The following PRIM2 variants were observed in gnomAD, a reference collection of about 807,000 sequenced individuals.
The protein encoded by PRIM2 is DNA primase large subunit.
Under a neutral mutation model 67.3 loss-of-function variants are expected in PRIM2, and 39 were observed. That is an observed-to-expected ratio of 0.58 (90% CI 0.45 to 0.76). PRIM2 has a LOEUF of 0.76. Among genes scored for constraint, PRIM2 ranks in the 30% least tolerant of loss-of-function variants. The pLI, the probability that PRIM2 is intolerant of heterozygous loss-of-function variation, is 0.00. For missense variants in PRIM2, 398 were observed against 598.7 expected, an observed-to-expected ratio of 0.66 and a Z score of 3.50; for synonymous variants, 143 against 198.7, an observed-to-expected ratio of 0.72 and a Z score of 2.36.
upstream of PRIM2, among the ~76,000 whole-genome samples, chr6:57,317,085 A>G (rs1269022919): frequency 6.6e-6 from 1 of 152,220 alleles, no homozygotes; most frequent in Non-Finnish European, 1.5e-5. Flanking sequence ...ACTAACGAGG[A>G]TCTTGTAACT....
chr6:57,405,054 G>T (rs1168778126), intron 7 of PRIM2, among the ~76,000 whole-genome samples: 2 of 146,546 alleles, frequency 1.4e-5, no homozygotes, highest in Non-Finnish European at 3.0e-5. Flanking sequence ...ATTGACACCT[G>T]AATGCACTGA....
the PRIM2 span, among the ~76,000 whole-genome samples, chr6:57,288,196 T>C: frequency 1.3e-5 from 2 of 152,152 alleles, no homozygotes; most frequent in African/African-American, 4.8e-5. Context: ...GTGATCAACC[T>C]GCGACACTGC....
chr6:57,329,935 GA>G (rs1480468713), intron 5 of PRIM2, among the ~76,000 whole-genome samples: 1 of 152,160 alleles, frequency 6.6e-6, no homozygotes. Flanking sequence ...TTAAAATTGA[GA>G]AGTATGAGTT....
At chr6:57,307,679 G>T in the PRIM2 span, among the ~76,000 whole-genome samples, 1 of 152,214 alleles carries the variant, frequency 6.6e-6, no homozygotes, top group East Asian at 1.9e-4. Flanking sequence ...AAAAGGAGCT[G>T]TTACCAGACC....
At chr6:57,336,446 G>A (rs1282384411) in intron 5 of PRIM2, among the ~76,000 whole-genome samples, 1 of 152,186 alleles carries the variant, frequency 6.6e-6, no homozygotes, top group Non-Finnish European at 1.5e-5. Context: ...ACAATGTTAA[G>A]GGCAGCCAGA....
At chr6:57,344,534 AT>A (rs1055854074) in intron 5 of PRIM2, among the ~76,000 whole-genome samples, 1 of 152,118 alleles carries the variant, frequency 6.6e-6, no homozygotes, top group Non-Finnish European at 1.5e-5. Context: ...AAATGAAGGC[AT>A]TAACACAGGG....
chr6:57,258,427 T>C, the PRIM2 span, among the ~76,000 whole-genome samples: 1 of 152,172 alleles, frequency 6.6e-6, no homozygotes, highest in Non-Finnish European at 1.5e-5. Context: ...GTTAACACTA[T>C]TTCTGCACTT....
intron 10 of PRIM2, among the ~76,000 whole-genome samples, chr6:57,540,586 G>T (rs1775126799): frequency 6.6e-6 from 1 of 152,008 alleles, no homozygotes; most frequent in African/African-American, 2.4e-5. Flanking sequence ...ATCGAAAAAG[G>T]TAAGAAAAAA....
chr6:57,349,292 T>C (rs921013730), intron 5 of PRIM2, among the ~76,000 whole-genome samples: 1 of 151,488 alleles, frequency 6.6e-6, no homozygotes, highest in Non-Finnish European at 1.5e-5. Context: ...AGAACATCAC[T>C]GATGTGGTAT....
intron 12 of PRIM2, among the ~76,000 whole-genome samples, chr6:57,613,852 T>G (rs1212964831): frequency 2.2e-4 from 34 of 152,108 alleles, no homozygotes; most frequent in African/African-American, 8.2e-4. Context: ...TATTTTTAAT[T>G]AACTAATTAA....
chr6:57,326,893 C>CTTTTT lies in PRIM2; in HGVS notation c.459+870_459+874dup, dbSNP rs70989764. On this transcript the variant is annotated intron_variant, in intron 5 of 13. Coordinates refer to ENST00000615550, the MANE Select transcript of PRIM2 (RefSeq NM_000947.5). ...TGAGTATTGGAAATAGAATTTGTAT[C>CTTTTT]TTTTTTTTTTTTTTTTTTTTTTTTT... Among the ~76,000 whole-genome samples the CTTTTT allele has an allele frequency of 1.4e-3, 183 of 131,490 alleles. 10 individuals carry two copies. The highest frequency in any genetic ancestry group is 5.2e-3 in the African/African-American group (174 of 33,746). The allele number at this position is 131,490 out of a possible 152,430, so 86.3% of individuals were successfully genotyped here.
the PRIM2 span, among the ~76,000 whole-genome samples, chr6:57,268,608 C>T: frequency 3.3e-5 from 5 of 151,504 alleles, no homozygotes; most frequent in African/African-American, 4.9e-5. Flanking sequence ...ATGGCAATTT[C>T]CCCCCACATT....
intron 7 of PRIM2, among the ~76,000 whole-genome samples, chr6:57,400,442 T>C (rs1770669508): frequency 2.0e-5 from 3 of 152,186 alleles, no homozygotes; most frequent in Admixed American, 2.0e-4. Context: ...CTTTTCTGGA[T>C]TGTAAAGTTT....
chr6:57,408,607 T>C (rs1229530398), intron 7 of PRIM2, among the ~76,000 whole-genome samples: 2 of 152,130 alleles, frequency 1.3e-5, no homozygotes, highest in African/African-American at 4.8e-5. Flanking sequence ...GTTTCTGTCA[T>C]GATAATTTTG....
At chr6:57,398,224 G>T (rs1007712950) in intron 7 of PRIM2, among the ~76,000 whole-genome samples, 3 of 151,990 alleles carry the variant, frequency 2.0e-5, no homozygotes, top group African/African-American at 7.3e-5. Context: ...TCCCAGAATG[G>T]TGGGATTACA....
chr6:57,489,174 G>C (rs1248383862), intron 7 of PRIM2, among the ~76,000 whole-genome samples: 1 of 152,262 alleles, frequency 6.6e-6, no homozygotes, highest in African/African-American at 2.4e-5. Context: ...TCTGTTTTAA[G>C]AATTATTCTT....
intron 5 of PRIM2, among the ~76,000 whole-genome samples, chr6:57,352,823 G>C (rs1768901461): frequency 1.3e-5 from 2 of 151,928 alleles, no homozygotes; most frequent in African/African-American, 4.8e-5. Context: ...AGTCCATTCA[G>C]TGTAGAAGGG....
intron 10 of PRIM2, among the ~76,000 whole-genome samples, chr6:57,581,339 C>T (rs1295179927): frequency 6.6e-6 from 1 of 152,080 alleles, no homozygotes; most frequent in African/African-American, 2.4e-5. Context: ...CTAAATTGAC[C>T]ACCTTTTAAG....
rs1164089132 is a variant in PRIM2 at position 57,375,524 on chromosome 6, T to C, written c.460-4377T>C. On this transcript the variant is annotated intron_variant, in intron 5 of 13. Coordinates refer to ENST00000615550, the MANE Select transcript of PRIM2 (RefSeq NM_000947.5). ...GTTCATCAAGGATATTGGCCTGATG[T>C]TTTCCTTTTTTTTGTTGTATCTCCG... Among the ~76,000 whole-genome samples, 4 of 152,012 alleles carry C rather than the reference T, an allele frequency of 2.6e-5. No individual in the cohort carries two copies. In the East Asian group the frequency reaches 7.7e-4, roughly 29 times the overall value.
Sources: gnomAD v4.1 joint callset for allele counts (sites outside exome capture counted in the v4.1 genomes callset) on GRCh38, gnomAD v4.1.1 for gene constraint, MANE v1.5 for transcripts, NCBI Gene and HGNC (gene_info 2026-07-23, HGNC 2026-07-21) for gene names.